TCF7: variants seen among roughly 807,000 people sequenced by gnomAD.
TCF7 encodes transcription factor 7, also known as T-cell-factor-7.
Under a neutral mutation model 46.8 loss-of-function variants are expected in TCF7, and 19 were observed. That is an observed-to-expected ratio of 0.41 (90% CI 0.28 to 0.60). TCF7 has a LOEUF of 0.60. Among genes scored for constraint, TCF7 ranks in the 20% least tolerant of loss-of-function variants. The pLI is 0.35. For synonymous variants in TCF7, 245 were observed against 213.4 expected (o/e 1.15, Z -1.29); for missense variants, 547 against 504.6 (o/e 1.08, Z -0.81).
At chr5:134,114,269 G>A (rs540827396), upstream of TCF7, among the ~76,000 whole-genome samples, 1 of 152,218 alleles carries the variant, frequency 6.6e-6, no homozygotes, top group South Asian at 2.1e-4. Context: ...GCCTCAAGCA[G>A]CCTCAAGCCC....
intron 3 of TCF7, among the ~76,000 whole-genome samples, chr5:134,134,741 A>G (rs1319837590): frequency 1.3e-5 from 2 of 152,218 alleles, no homozygotes; most frequent in Non-Finnish European, 2.9e-5. Context: ...AGACTGGCCC[A>G]GGATCCTCCA....
rs1760913688 is a variant in TCF7, at chr5:134,148,049, T to TAAGA, written c.*1746_*1747insAAGA. The TAAGA allele has an allele frequency of 6.6e-6, 1 of 152,182 alleles. No homozygotes were observed. The highest frequency in any genetic ancestry group is 2.4e-5 in the African/African-American group (1 of 41,262). The allele number at this position is 152,182 out of a possible 1,614,324, so 9.4% of individuals were successfully genotyped here. A position where few individuals can be genotyped will look rare whatever the true frequency, so the allele number is the denominator to read the frequency against. On this transcript the variant is annotated 3_prime_UTR_variant, in exon 10 of 10. Transcript: ENST00000342854. The stretch of plus-strand genomic sequence containing the variant: ...TCAAAAAAAGCCTTTAGTTCCTACT[T>TAAGA]TAGCCACTGGTTTCTCAGAATCCAA...
chr5:134,122,824 C>T (rs1756792087), intron 3 of TCF7, among the ~76,000 whole-genome samples: 1 of 152,190 alleles, frequency 6.6e-6, no homozygotes, highest in Non-Finnish European at 1.5e-5. Flanking sequence ...CCCCCACCCC[C>T]AATGGTACAG....
At chr5:134,144,583 C>T (rs1760393126) in intron 9 of TCF7, 3 of 567,550 alleles carry the variant, frequency 5.3e-6, no homozygotes, top group Admixed American at 3.0e-5. Context: ...CTACTGCGTA[C>T]CTGGGTGCCC....
At chr5:134,113,667 G>A (rs1013086076), upstream of TCF7, among the ~76,000 whole-genome samples, 1 of 152,278 alleles carries the variant, frequency 6.6e-6, no homozygotes, top group Non-Finnish European at 1.5e-5. Context: ...TAGATGCAGG[G>A]GCTGAGCCAG....
chr5:134,134,093 T>C (rs1758522067), intron 3 of TCF7, among the ~76,000 whole-genome samples: 1 of 152,200 alleles, frequency 6.6e-6, no homozygotes, highest in African/African-American at 2.4e-5. Context: ...CTCCTGTGGG[T>C]AGCTTCTCAG....
chr5:134,144,493 T>A, intron 9 of TCF7: 1 of 401,350 alleles, frequency 2.5e-6, no homozygotes, highest in Non-Finnish European at 4.6e-6. Context: ...CTCTGCAGCC[T>A]CCATGCTGCA....
Position 134,146,450 on chromosome 5 carries a change from C to A in TCF7, c.*147C>A, listed in dbSNP as rs1358624013. The A allele has an allele frequency of 1.1e-6, 1 of 909,416 alleles. No homozygotes were observed. Among genetic ancestry groups the A allele is most frequent in the East Asian group, 2.5e-5 (1 of 39,576 alleles). The allele number at this position is 909,416 out of a possible 1,614,324, so 56.3% of individuals were successfully genotyped here. On this transcript the variant is annotated 3_prime_UTR_variant, in exon 10 of 10. Coordinates refer to ENST00000342854, the MANE Select transcript of TCF7 (RefSeq NM_003202.5). The stretch of plus-strand genomic sequence containing the variant: ...TCTCAGCCTCCCAACCCCAGGGCCC[C>A]CACAGGCCCCCCGCAGCACCCTGCA...
chr5:134,115,692 CG>C, intron 2 of TCF7: 2 of 1,429,110 alleles, frequency 1.4e-6, no homozygotes, highest in Non-Finnish European at 1.8e-6. Context: ...GGTTGGAGGG[CG>C]GGGGGTGGGA....
chr5:134,138,577 G>C, intron 4 of TCF7: 1 of 280,996 alleles, frequency 3.6e-6, no homozygotes, highest in Non-Finnish European at 6.7e-6. Context: ...CTCAACCCTG[G>C]GGGGCAGGTG....
Position 134,114,806 on chromosome 5 carries a change from A to G in TCF7, c.-101A>G, listed in dbSNP as rs173424. On this transcript the variant is annotated 5_prime_UTR_variant, in exon 1 of 10. Coordinates refer to ENST00000342854, the MANE Select transcript of TCF7 (RefSeq NM_003202.5). ...CCCGCGCTCCGCCCGCCGCGATCCG[A>G]GCTCGGAGGTTCGGACTCCGGGCTC... 825,843 of 970,078 alleles carry G rather than the reference A, an allele frequency of 0.85. 353,400 individuals are homozygous for G. Among genetic ancestry groups the G allele is most frequent in the Non-Finnish European group, 0.87 (714,149 of 818,606 alleles). The allele number at this position is 970,078 out of a possible 1,614,324, so 60.1% of individuals were successfully genotyped here.
intron 5 of TCF7, 71 bp from the exon 6 acceptor site, chr5:134,142,114 G>A (rs1241997583): frequency 1.1e-5 from 17 of 1,601,970 alleles, no homozygotes; most frequent in Non-Finnish European, 1.0e-5. Flanking sequence ...TATTATGCAG[G>A]GGCCTCTGTG....
chr5:134,109,770 C>CAAAA (rs59510685), upstream of TCF7, among the ~76,000 whole-genome samples: 2 of 140,280 alleles, frequency 1.4e-5, no homozygotes, highest in African/African-American at 5.6e-5. Context: ...GGCTCCATCT[C>CAAAA]AAAAAAAAAA....
At chr5:134,139,135 C>T (rs1297866666) in intron 5 of TCF7, 97 bp downstream of exon 5, 2 of 1,511,290 alleles carry the variant, frequency 1.3e-6, no homozygotes, top group East Asian at 4.9e-5. Context: ...TGGCTGGCCA[C>T]CCTGCTGCCA....
Position 134,146,338 on chromosome 5 carries a change from C to G in TCF7, c.*35C>G. 1.9e-6 allele frequency: 3 copies of G among 1,610,538 alleles called. No individual in the cohort carries two copies. Among genetic ancestry groups the G allele is most frequent in the Non-Finnish European group, 2.5e-6 (3 of 1,176,814 alleles). On this transcript the variant is annotated 3_prime_UTR_variant, in exon 10 of 10. Transcript: ENST00000342854. ...GGTCCCCAGCTCCCCAGGACTCACC[C>G]TCATACCATCTGCTGCCCCGCTTCC...
chr5:134,126,499 G>A (rs1355307816), intron 3 of TCF7, among the ~76,000 whole-genome samples: 9 of 152,246 alleles, frequency 5.9e-5, no homozygotes, highest in Non-Finnish European at 8.8e-5. Flanking sequence ...CACACAGTAG[G>A]TGCTCAGTAA....
In TCF7 at chr5:134,147,414, G is replaced by A. The variant is rs972766941; in HGVS notation, c.*1111G>A. The A allele has an allele frequency of 6.6e-6, 1 of 152,396 alleles. No homozygotes were observed. The highest frequency in any genetic ancestry group is 6.6e-5 in the Admixed American group (1 of 15,266). The allele number at this position is 152,396 out of a possible 1,614,324, so 9.4% of individuals were successfully genotyped here. On this transcript the variant is annotated 3_prime_UTR_variant, in exon 10 of 10. Coordinates refer to ENST00000342854, the MANE Select transcript of TCF7 (RefSeq NM_003202.5). ...ATCTATGGCAGTCCAGCCAGCTCCT[G>A]GGCAGCTTGAGAGGGCAAACCCAAA...
upstream of TCF7, among the ~76,000 whole-genome samples, chr5:134,110,382 T>C (rs1331336537): frequency 6.6e-6 from 1 of 152,184 alleles, no homozygotes; most frequent in African/African-American, 2.4e-5. Context: ...CCTTGCTTCA[T>C]TTTAAGGGCA....
At chr5:134,133,073 C>G (rs1052916369) in intron 3 of TCF7, among the ~76,000 whole-genome samples, 1 of 152,154 alleles carries the variant, frequency 6.6e-6, no homozygotes, top group Non-Finnish European at 1.5e-5. Context: ...CACCAGGCAT[C>G]CAGTAGAAGG....
Sources: gnomAD v4.1 joint callset for allele counts (sites outside exome capture counted in the v4.1 genomes callset) on GRCh38, gnomAD v4.1.1 for gene constraint, MANE v1.5 for transcripts, NCBI Gene and HGNC (gene_info 2026-07-23, HGNC 2026-07-21) for gene names.